Variants in HAUS7 observed in about 807,000 individuals in gnomAD.
HAUS7 encodes the protein HAUS augmin like complex subunit 7, also known as HAUS augmin-like complex subunit 7.
HAUS7 carries 3 observed loss-of-function variants against 28.4 expected under a neutral mutation model. The ratio of observed to expected loss-of-function variants is 0.11; its 90% CI spans 0.05 to 0.27. The LOEUF (loss-of-function observed/expected upper bound fraction) is 0.27, where lower values mean the gene tolerates loss of function less well. HAUS7 is among the 10% of genes least tolerant of loss of function. The probability of loss-of-function intolerance (pLI) is 1.00; values close to 1 mark genes in which losing one functional copy is unlikely to be tolerated. For missense variants in HAUS7, 284 were observed against 297.3 expected (o/e 0.96, Z 0.33); for synonymous variants, 165 against 132.1 (o/e 1.25, Z -1.71).
chrX:153,483,698 A>G (rs1210129828), intron 1 of HAUS7, among the ~76,000 whole-genome samples: 1 of 111,487 alleles, frequency 9.0e-6, no homozygotes, highest in Non-Finnish European at 1.9e-5. Flanking sequence ...AGACTCTTCC[A>G]AGATATTGCT....
intron 1 of HAUS7, among the ~76,000 whole-genome samples, chrX:153,493,399 T>A (rs978535380): frequency 9.0e-6 from 1 of 111,633 alleles, no homozygotes; most frequent in African/African-American, 3.3e-5. Flanking sequence ...CACGAATGAG[T>A]TGGCAGTGGG....
chrX:153,481,228 G>T (rs190200431), intron 1 of HAUS7: 273 of 508,265 alleles, frequency 5.4e-4, no homozygotes, highest in Middle Eastern at 1.1e-3. Flanking sequence ...AAGGGGAGGG[G>T]TCCCAGTAAC....
At chrX:153,470,777 G>A, upstream of HAUS7, 1 of 490,488 alleles carries the variant, frequency 2.0e-6, no homozygotes, top group Admixed American at 3.2e-5. Flanking sequence ...GGGCAGGGCG[G>A]ACACAGGGAA....
intron 1 of HAUS7, chrX:153,485,927 C>T (rs2089634106): frequency 1.0e-6 from 1 of 963,157 alleles, no homozygotes; most frequent in Non-Finnish European, 1.3e-6. Flanking sequence ...GTTCCTGCAC[C>T]TGTCCCACAA....
At chrX:153,470,854 G>A, upstream of HAUS7, 1 of 384,602 alleles carries the variant, frequency 2.6e-6, no homozygotes, top group South Asian at 2.6e-5. Context: ...CGGACACCGG[G>A]AAAGGGGCGG....
chrX:153,491,270 C>T (rs376338246), intron 1 of HAUS7, among the ~76,000 whole-genome samples: 54 of 112,437 alleles, frequency 4.8e-4, no homozygotes, highest in African/African-American at 1.4e-3. Flanking sequence ...TCACACCACC[C>T]GCCAGTATTT....
intron 1 of HAUS7, among the ~76,000 whole-genome samples, chrX:153,494,613 T>A (rs938244289): frequency 9.0e-6 from 1 of 111,381 alleles, no homozygotes; most frequent in Non-Finnish European, 1.9e-5. Flanking sequence ...CTCTTTCCTC[T>A]GCCTGGCGAG....
intron 1 of HAUS7, chrX:153,486,168 G>A: frequency 1.4e-6 from 1 of 733,750 alleles, no homozygotes; most frequent in Non-Finnish European, 1.8e-6. Context: ...CACAGAGGAA[G>A]AGGTACCCTG....
At chrX:153,457,928 A>G (rs1471444706) in intron 4 of HAUS7, among the ~76,000 whole-genome samples, 1 of 113,228 alleles carries the variant, frequency 8.8e-6, no homozygotes, top group Non-Finnish European at 1.9e-5. Flanking sequence ...CTACTTCTTG[A>G]GCTCTGAACA....
At chrX:153,475,273 C>A (rs2089555643), upstream of HAUS7, among the ~76,000 whole-genome samples, 1 of 112,076 alleles carries the variant, frequency 8.9e-6, no homozygotes, top group African/African-American at 3.2e-5. Context: ...TGGGCTGGTC[C>A]CTGCTGCGTG....
chrX:153,468,321 G>A (rs998603184), intron 2 of HAUS7, among the ~76,000 whole-genome samples: 5 of 112,192 alleles, frequency 4.5e-5, no homozygotes, highest in African/African-American at 1.3e-4. Flanking sequence ...GGGGAGGCCC[G>A]GGCCTGGACT....
At chrX:153,484,967 C>G (rs2089626729) in intron 1 of HAUS7, among the ~76,000 whole-genome samples, 2 of 112,912 alleles carry the variant, frequency 1.8e-5, no homozygotes, top group Admixed American at 9.3e-5. Context: ...CCAAGAGAAG[C>G]CTTCCCTGCT....
intron 9 of HAUS7, among the ~76,000 whole-genome samples, chrX:153,451,479 A>G (rs2089238770): frequency 8.9e-6 from 1 of 111,959 alleles, no homozygotes; most frequent in South Asian, 3.7e-4. Flanking sequence ...AGTGCCTGGT[A>G]TACATGGGGT....
In HAUS7 at chrX:153,481,584, C is replaced by CA. The variant is rs1340842092; in HGVS notation, c.-588-10440dup. 4.0e-6 allele frequency: 3 copies of CA among 754,757 alleles called. No individual in the cohort carries two copies. In the African/African-American group the frequency reaches 6.9e-5, roughly 17 times the overall value. The allele number at this position is 754,757 out of a possible 1,213,427, so 62.2% of individuals were successfully genotyped here. A position where few individuals can be genotyped will look rare whatever the true frequency, so the allele number is the denominator to read the frequency against. On this transcript the variant is annotated intron_variant, in intron 1 of 5. Coordinates refer to the HAUS7 transcript ENST00000370210. ...TGGCCCAGGCAGTCATCGCCTGTGGCAATGTCAAGATGAAGCATGTCCCTG... is the reference window on the plus strand; with the variant it reads ...TGGCCCAGGCAGTCATCGCCTGTGGCAAATGTCAAGATGAAGCATGTCCCTG...
intron 8 of HAUS7, chrX:153,455,075 C>T: frequency 1.0e-6 from 1 of 980,533 alleles, no homozygotes; most frequent in Non-Finnish European, 1.4e-6. Context: ...AACAACGAAA[C>T]AAGCAAACAT....
In HAUS7 at chrX:153,455,621, C is replaced by G. The variant is rs782168710; in HGVS notation, c.851G>C (p.Cys284Ser). The G allele has an allele frequency of 1.7e-6, 2 of 1,209,226 alleles. No homozygotes were observed. The highest frequency in any genetic ancestry group is 3.5e-5 in the South Asian group (2 of 56,967). The change falls in exon 8 of 10, where the codon TGC becomes TCC. Residue 284 changes from cysteine to serine, a missense_variant. By Grantham distance (112) the Cys-to-Ser change is moderately radical. Transcript: ENST00000370211. The part of the protein sequence containing the change: ...QVYDDELGEC[C>S]QRPGPDLHPC... ...GTGGAGGTCAGGGCCTGGGCGCTGGCAGCACTCGCCCAGCTCGTCGTCGTA... is the reference window on the plus strand; with the variant it reads ...GTGGAGGTCAGGGCCTGGGCGCTGGGAGCACTCGCCCAGCTCGTCGTCGTA...
At position 153,480,811 on chromosome X, in the gene HAUS7, G is replaced by A. The variant is rs1034186331; in HGVS notation, c.-588-9666C>T. ...CACAACAAGGGCCTGGTCGCTGAGT[G>A]GGCTCAGCCCCAGGCCACAGCTGCC... On this transcript the variant is annotated intron_variant, in intron 1 of 5. Coordinates refer to the HAUS7 transcript ENST00000370210. 9 of 753,936 alleles carry A rather than the reference G, an allele frequency of 1.2e-5. No individual in the cohort carries two copies. In the African/African-American group the frequency reaches 1.8e-4, roughly 15 times the overall value. 62.1% of individuals were successfully genotyped at this position (753,936 alleles called of 1,213,427 possible).
upstream of HAUS7, chrX:153,471,126 T>A (rs1453576986): frequency 3.6e-6 from 1 of 279,950 alleles, no homozygotes; most frequent in Non-Finnish European, 7.0e-6. Context: ...GGGCTCCGTC[T>A]TCTCTTCACC....
At chrX:153,485,155 C>A (rs2089627904) in intron 1 of HAUS7, among the ~76,000 whole-genome samples, 1 of 111,870 alleles carries the variant, frequency 8.9e-6, no homozygotes, top group African/African-American at 3.2e-5. Flanking sequence ...ACTCCACTAT[C>A]GGACAGCGAG....
Sources: allele counts gnomAD v4.1 joint callset (sites outside exome capture counted in the v4.1 genomes callset), GRCh38; gene constraint gnomAD v4.1.1; transcripts MANE v1.5; gene names NCBI Gene and HGNC (gene_info 2026-07-23, HGNC 2026-07-21).